Variants in GABBR1 observed in about 807,000 individuals in gnomAD.
The protein encoded by GABBR1 is gamma-aminobutyric acid type B receptor subunit 1.
Under a neutral mutation model 117.7 loss-of-function variants are expected in GABBR1, and 35 were observed. That is an observed-to-expected ratio of 0.30 (90% CI 0.23 to 0.39). The LOEUF (loss-of-function observed/expected upper bound fraction) is 0.39, where lower values mean the gene tolerates loss of function less well. GABBR1 is among the 10% of genes least tolerant of loss of function. The pLI, the probability that GABBR1 is intolerant of heterozygous loss-of-function variation, is 1.00. For missense variants in GABBR1, 709 were observed against 1,241.8 expected (o/e 0.57, Z 6.45); for synonymous variants, 442 against 486.6 (o/e 0.91, Z 1.21).
intron 15 of GABBR1, 55 bp from the exon 16 acceptor site, chr6:29,608,788 G>T: frequency 7.6e-6 from 12 of 1,586,572 alleles, no homozygotes; most frequent in Non-Finnish European, 1.0e-5. Flanking sequence ...TCTTCTCCAG[G>T]GAGGCTGAGC....
In GABBR1 at chr6:29,630,353, C is replaced by A; in HGVS notation, c.475+105G>T. ...ATCTCCCCTTTCCAGTGTCCTCCCCCACATTTTTATAGCTCTCCATTCTTT... is the reference window on the plus strand; with the variant it reads ...ATCTCCCCTTTCCAGTGTCCTCCCCAACATTTTTATAGCTCTCCATTCTTT... On this transcript the variant is annotated intron_variant, in intron 4 of 22. Transcript: ENST00000377034. The surrounding 1 kb of genome is among the most constrained non-coding windows in gnomAD (Gnocchi z 4.9). The A allele has an allele frequency of 9.4e-7, 1 of 1,061,438 alleles. No individual in the cohort carries two copies. Among genetic ancestry groups the A allele is most frequent in the Non-Finnish European group, 1.4e-6 (1 of 721,552 alleles). The allele number at this position is 1,061,438 out of a possible 1,614,324, so 65.8% of individuals were successfully genotyped here.
At chr6:29,612,454 C>G in intron 13 of GABBR1, 97 bp downstream of exon 13, 1 of 929,308 alleles carries the variant, frequency 1.1e-6, no homozygotes, top group Non-Finnish European at 1.7e-6. Flanking sequence ...GGTGCCAGGG[C>G]AATCTTGTGA....
In GABBR1 at chr6:29,607,679, C is replaced by T. The variant is rs740882; in HGVS notation, c.1993-461G>A. On this transcript the variant is annotated intron_variant, in intron 16 of 22. Coordinates refer to ENST00000377034, the MANE Select transcript of GABBR1 (RefSeq NM_001470.4). This position sits in a 1 kb window ranked among gnomAD's most constrained non-coding sequence, Gnocchi z 5.0. ...CTCTTTCATGTATTTTCTAGCCACACGATGCTCCCTATGCCCCTGAAGTAG... is the reference window on the plus strand; with the variant it reads ...CTCTTTCATGTATTTTCTAGCCACATGATGCTCCCTATGCCCCTGAAGTAG... 0.098 allele frequency among the ~76,000 whole-genome samples: 14,906 copies of T among 152,278 alleles called. 859 individuals carry two copies. Among genetic ancestry groups the T allele is most frequent in the Middle Eastern group, 0.21 (60 of 292 alleles).
chr6:29,622,179 C>T lies in GABBR1; in HGVS notation c.990G>A (p.Val330=). 6.2e-7 allele frequency: 1 copy of T among 1,614,116 alleles called. No homozygotes were observed. The highest frequency in any genetic ancestry group is 8.5e-7 in the Non-Finnish European group (1 of 1,179,974). ...AAGTAATCTCAATTCCAGCCTCCTT[C>T]ACTCGTTCCTCCAGGTCGTCCAGAG... ...TSTLDDLEER[V]KEAGIEITFR... Residue 330 remains valine (V), a synonymous_variant, in exon 9 of 23, where the codon GTG becomes GTA. Transcript: ENST00000377034. The surrounding 1 kb of genome is among the most constrained non-coding windows in gnomAD (Gnocchi z 4.6).
chr6:29,606,443 A>G lies in GABBR1; in HGVS notation c.2259T>C (p.Ser753=). ...TGCAATGCTCCAGCTGGGGCAGAAT[A>G]GAGACGTCAATATCTTCCTTAGGTT... The part of the protein sequence containing the change: ...KEEPKEDIDV[S]ILPQLEHCSS... The change falls in exon 19 of 23, where the codon TCT becomes TCC. Residue 753 remains serine (S), a synonymous_variant. Transcript: ENST00000377034. The surrounding 1 kb of genome is among the most constrained non-coding windows in gnomAD (Gnocchi z 4.5). 1 of 1,613,062 alleles carries G rather than the reference A, an allele frequency of 6.2e-7. No homozygotes were observed. Among genetic ancestry groups the G allele is most frequent in the Non-Finnish European group, 8.5e-7 (1 of 1,179,880 alleles).
intron 11 of GABBR1, among the ~76,000 whole-genome samples, chr6:29,618,414 C>T (rs1562104416): frequency 2.6e-5 from 4 of 152,216 alleles, no homozygotes. Flanking sequence ...CAAAGAGACA[C>T]TCTACTCTGC....
In GABBR1 at chr6:29,627,777, G is replaced by A; in HGVS notation, c.497-131C>T. ...GTGGCCACCCCACCCGGGCAAAAGGGGCCCCGGGCCCCATGGCGTGGGGGG... is the reference window on the plus strand; with the variant it reads ...GTGGCCACCCCACCCGGGCAAAAGGAGCCCCGGGCCCCATGGCGTGGGGGG... On this transcript the variant is annotated intron_variant, in intron 5 of 22. Coordinates refer to ENST00000377034, the MANE Select transcript of GABBR1 (RefSeq NM_001470.4). The surrounding 1 kb of genome is among the most constrained non-coding windows in gnomAD (Gnocchi z 4.4). 6.9e-7 allele frequency: 1 copy of A among 1,458,928 alleles called. No homozygotes were observed. The highest frequency in any genetic ancestry group is 9.0e-7 in the Non-Finnish European group (1 of 1,112,674). The allele number at this position is 1,458,928 out of a possible 1,614,324, so 90.4% of individuals were successfully genotyped here.
intron 11 of GABBR1, among the ~76,000 whole-genome samples, chr6:29,615,850 T>C (rs1039950605): frequency 1.3e-5 from 2 of 151,800 alleles, no homozygotes; most frequent in Non-Finnish European, 2.9e-5. Context: ...GGGCAGATCA[T>C]GAGGTCAGGA....
chr6:29,630,347 C>T lies in GABBR1; in HGVS notation c.475+111G>A. 3 of 990,536 alleles carry T rather than the reference C, an allele frequency of 3.0e-6. No individual in the cohort carries two copies. The highest frequency in any genetic ancestry group is 4.5e-6 in the Non-Finnish European group (3 of 662,158). The allele number at this position is 990,536 out of a possible 1,614,324, so 61.4% of individuals were successfully genotyped here. A position where few individuals can be genotyped will look rare whatever the true frequency, so the allele number is the denominator to read the frequency against. On this transcript the variant is annotated intron_variant, in intron 4 of 22. Coordinates refer to ENST00000377034, the MANE Select transcript of GABBR1 (RefSeq NM_001470.4). The surrounding 1 kb of genome is among the most constrained non-coding windows in gnomAD (Gnocchi z 4.9). ...ACTTTCATCTCCCCTTTCCAGTGTC[C>T]TCCCCCACATTTTTATAGCTCTCCA... is the stretch of plus-strand genomic sequence containing the variant.
chr6:29,618,084 T>C (rs909866890), intron 11 of GABBR1, among the ~76,000 whole-genome samples: 2 of 152,226 alleles, frequency 1.3e-5, no homozygotes, highest in Admixed American at 1.3e-4. Flanking sequence ...TACATGAGAC[T>C]GCCTCTCTCT....
rs1438620738 is a variant in GABBR1 at position 29,607,285 on chromosome 6, G to A, written c.1993-67C>T. On this transcript the variant is annotated intron_variant, in intron 16 of 22. Transcript: ENST00000377034. The surrounding 1 kb of genome is among the most constrained non-coding windows in gnomAD (Gnocchi z 5.0). ...GTAGCCGGGACTGCAGTAAGGATGG[G>A]CAGAACCCTAAGGGAGAGTGGGCAG... 7 of 1,286,478 alleles carry A rather than the reference G, an allele frequency of 5.4e-6. No individual in the cohort carries two copies. Among genetic ancestry groups the A allele is most frequent in the Non-Finnish European group, 6.8e-6 (6 of 887,970 alleles). The allele number at this position is 1,286,478 out of a possible 1,614,324, so 79.7% of individuals were successfully genotyped here.
In GABBR1 at chr6:29,606,041, G is replaced by T; in HGVS notation, c.2312-345C>A. 2 of 516,470 alleles carry T rather than the reference G, an allele frequency of 3.9e-6. No individual in the cohort carries two copies. The highest frequency in any genetic ancestry group is 3.4e-6 in the Non-Finnish European group (1 of 290,282). 32.0% of individuals were successfully genotyped at this position (516,470 alleles called of 1,614,324 possible). A position where few individuals can be genotyped will look rare whatever the true frequency, so the allele number is the denominator to read the frequency against. On this transcript the variant is annotated intron_variant, in intron 19 of 22. Transcript: ENST00000377034. The surrounding 1 kb of genome is among the most constrained non-coding windows in gnomAD (Gnocchi z 4.5). ...GGGAAGGTGGCTTTCCAGGCAGAGG[G>T]TAGGTTTGCAATTTGTGACCATGAA... is the stretch of plus-strand genomic sequence containing the variant.
chr6:29,630,948 A>G lies in GABBR1; in HGVS notation c.290-305T>C, dbSNP rs568166844. 6.6e-6 allele frequency among the ~76,000 whole-genome samples: 1 copy of G among 152,308 alleles called. No homozygotes were observed. Among genetic ancestry groups the G allele is most frequent in the East Asian group, 1.9e-4 (1 of 5,188 alleles). On this transcript the variant is annotated intron_variant, in intron 3 of 22. Transcript: ENST00000377034. The surrounding 1 kb of genome is among the most constrained non-coding windows in gnomAD (Gnocchi z 4.9). The stretch of plus-strand genomic sequence containing the variant: ...CTCTGGCTTTGAAATATGTAGATGT[A>G]TATAACTTTGGATGCACAATCAGAT...
In GABBR1 at chr6:29,605,851, C is replaced by A; in HGVS notation, c.2312-155G>T. On this transcript the variant is annotated intron_variant, in intron 19 of 22. Transcript: ENST00000377034. The surrounding 1 kb of genome is among the most constrained non-coding windows in gnomAD (Gnocchi z 4.2). Reference sequence around the variant, plus strand: ...GACCTAGCAAACCTCACCCTGTGTCCCCTATCCCTTATGTCCACCCAACTT... The same window carrying A: ...GACCTAGCAAACCTCACCCTGTGTCACCTATCCCTTATGTCCACCCAACTT... 1 of 831,456 alleles carries A rather than the reference C, an allele frequency of 1.2e-6. No individual in the cohort carries two copies. Among genetic ancestry groups the A allele is most frequent in the Admixed American group, 2.7e-5 (1 of 36,572 alleles). The allele number at this position is 831,456 out of a possible 1,614,324, so 51.5% of individuals were successfully genotyped here. A position where few individuals can be genotyped will look rare whatever the true frequency, so the allele number is the denominator to read the frequency against.
At chr6:29,618,102 C>A (rs1308484739) in intron 11 of GABBR1, among the ~76,000 whole-genome samples, 1 of 152,172 alleles carries the variant, frequency 6.6e-6, no homozygotes, top group Non-Finnish European at 1.5e-5. Flanking sequence ...TCTAAGAGCA[C>A]CTGCACAAAT....
intron 11 of GABBR1, among the ~76,000 whole-genome samples, chr6:29,614,530 G>T (rs1327809896): frequency 6.6e-6 from 1 of 152,154 alleles, no homozygotes; most frequent in East Asian, 1.9e-4. Flanking sequence ...ATACGCAAAG[G>T]GCACAGGCAA....
intron 14 of GABBR1, among the ~76,000 whole-genome samples, chr6:29,610,160 G>A (rs17218732): frequency 6.6e-6 from 1 of 151,674 alleles, no homozygotes; most frequent in African/African-American, 2.4e-5. Flanking sequence ...TTCAATGGTT[G>A]AGCCTCCCCT....
At position 29,631,459 on chromosome 6, in the gene GABBR1, G is replaced by A. The variant is rs1333309297; in HGVS notation, c.226C>T (p.Pro76Ser). Reference protein sequence around the residue: ...VCRGEREVVGPKVRKCLANGS... With the variant: ...VCRGEREVVGSKVRKCLANGS... The stretch of plus-strand genomic sequence containing the variant: ...TTGGCCAGGCACTTGCGGACCTTGG[G>A]CCCCACCACCTCGCGCTCCCCCCGG... Residue 76 changes from proline to serine, a missense_variant, in exon 3 of 23, where the codon CCC (proline) becomes TCC (serine). Coordinates refer to ENST00000377034, the MANE Select transcript of GABBR1 (RefSeq NM_001470.4). The surrounding 1 kb of genome is among the most constrained non-coding windows in gnomAD (Gnocchi z 5.9). The A allele has an allele frequency of 1.9e-6, 3 of 1,613,982 alleles. No individual in the cohort carries two copies. Among genetic ancestry groups the A allele is most frequent in the East Asian group, 2.2e-5 (1 of 44,892 alleles).
rs200689494 is a variant in GABBR1, at chr6:29,631,914, A to T, written c.86-315T>A. Among the ~76,000 whole-genome samples the T allele has an allele frequency of 4.7e-5, 4 of 85,324 alleles. No individual in the cohort carries two copies. The highest frequency in any genetic ancestry group is 1.0e-4 in the Non-Finnish European group (4 of 38,940). 56.0% of individuals were successfully genotyped at this position (85,324 alleles called of 152,430 possible). On this transcript the variant is annotated intron_variant, in intron 2 of 22. Transcript: ENST00000377034. This position sits in a 1 kb window ranked among gnomAD's most constrained non-coding sequence, Gnocchi z 5.9. ...TGATATGTGGGTGGAGCTTTTCTTT[A>T]AAAAAAAAGGCTAAATGAGGATATT...
Sources: gnomAD v4.1 joint callset for allele counts (sites outside exome capture counted in the v4.1 genomes callset) on GRCh38, gnomAD v4.1.1 for gene constraint, Gnocchi (gnomAD v3.1) non-coding constraint, MANE v1.5 for transcripts, NCBI Gene and HGNC (gene_info 2026-07-23, HGNC 2026-07-21) for gene names.